The following CADM1 variants were observed in gnomAD, a reference collection of about 807,000 sequenced individuals.
The protein encoded by CADM1 is cell adhesion molecule 1, also known as TSLC-1.
Under a neutral mutation model 53.1 loss-of-function variants are expected in CADM1, and 15 were observed. The observed-to-expected ratio is 0.28, with a 90% CI of 0.19 to 0.44. CADM1 has a LOEUF of 0.44. Among genes scored for constraint, CADM1 ranks in the 20% least tolerant of loss-of-function variants. CADM1 has a pLI of 1.00. For synonymous variants in CADM1, 281 were observed against 243.0 expected (o/e 1.16, Z -1.45); for missense variants, 434 against 611.3 (o/e 0.71, Z 3.06).
intron 1 of CADM1, among the ~76,000 whole-genome samples, chr11:115,338,598 C>G (rs1441118730): frequency 6.6e-6 from 1 of 152,170 alleles, no homozygotes; most frequent in Non-Finnish European, 1.5e-5. Context: ...AAGGCCCCCA[C>G]TGACCAACGG....
intron 1 of CADM1, among the ~76,000 whole-genome samples, chr11:115,455,393 A>C (rs1024129439): frequency 1.4e-5 from 2 of 146,098 alleles, no homozygotes; most frequent in Non-Finnish European, 3.0e-5. Context: ...CTTCAAAGGC[A>C]AAAAAAAAAT....
In CADM1 at chr11:115,176,557, C is replaced by A; in HGVS notation, c.1333G>T (p.Asp445Tyr). ...YFTHEAKGAD[D>Y]AADADTAIIN... ...ATAGCTGTGTCTGCGTCTGCTGCGTCATCGGCTCCTTTGGCTTCATGAGTG... is the reference window on the plus strand; with the variant it reads ...ATAGCTGTGTCTGCGTCTGCTGCGTAATCGGCTCCTTTGGCTTCATGAGTG... The change falls in exon 12 of 12, where the codon GAC (aspartate) becomes TAC (tyrosine). Residue 445 changes from aspartate to tyrosine, a missense_variant. Physicochemically the swap from Asp to Tyr is radical, Grantham distance 160 (BLOSUM62 -3). This residue lies in a region of CADM1 where 16 missense variants were observed against 41.8 expected (regional missense o/e 0.38). Coordinates refer to ENST00000331581, the MANE Select transcript of CADM1 (RefSeq NM_001301043.2). The A allele has an allele frequency of 6.2e-7, 1 of 1,614,142 alleles. No homozygotes were observed. Among genetic ancestry groups the A allele is most frequent in the Non-Finnish European group, 8.5e-7 (1 of 1,179,998 alleles).
chr11:115,474,080 GT>G lies in CADM1; in HGVS notation c.124+30190del, dbSNP rs1324133632. On this transcript the variant is annotated intron_variant, in intron 1 of 11. Coordinates refer to ENST00000331581, the MANE Select transcript of CADM1 (RefSeq NM_001301043.2). ...GAGGCCGAGGTGGGCGGATCATGGG[GT>G]CAGGAGATCAAGACCATCCTGGCTA... Among the ~76,000 whole-genome samples, 4 of 151,794 alleles carry G rather than the reference GT, an allele frequency of 2.6e-5. No individual in the cohort carries two copies. In the East Asian group the frequency reaches 7.8e-4, roughly 29 times the overall value.
intron 10 of CADM1, among the ~76,000 whole-genome samples, chr11:115,183,995 C>A (rs1939430959): frequency 6.6e-6 from 1 of 152,166 alleles, no homozygotes. Context: ...GGGTGGAGAT[C>A]TTGCTGGACA....
chr11:115,445,328 G>A (rs994312074), intron 1 of CADM1, among the ~76,000 whole-genome samples: 68 of 152,106 alleles, frequency 4.5e-4, no homozygotes, highest in African/African-American at 2.4e-4. Flanking sequence ...GCTCAGGACC[G>A]TGGGCCAGTT....
intron 1 of CADM1, among the ~76,000 whole-genome samples, chr11:115,398,482 T>C (rs1032592884): frequency 8.5e-5 from 13 of 152,170 alleles, no homozygotes; most frequent in African/African-American, 2.2e-4. Context: ...ATGGTTCTCT[T>C]CCACGTTCCA....
At chr11:115,389,610 T>G (rs769709714) in intron 1 of CADM1, among the ~76,000 whole-genome samples, 11 of 152,100 alleles carry the variant, frequency 7.2e-5, no homozygotes, top group Non-Finnish European at 1.2e-4. Flanking sequence ...TGATATTAAG[T>G]GCAAACAACA....
At chr11:115,282,288 C>G (rs1565342082) in intron 1 of CADM1, among the ~76,000 whole-genome samples, 1 of 152,142 alleles carries the variant, frequency 6.6e-6, no homozygotes, top group African/African-American at 2.4e-5. Flanking sequence ...CACAGCCAAA[C>G]TGGTACCCAA....
At chr11:115,235,488 G>T (rs1941979907) in intron 3 of CADM1, among the ~76,000 whole-genome samples, 1 of 152,102 alleles carries the variant, frequency 6.6e-6, no homozygotes, top group Non-Finnish European at 1.5e-5. Flanking sequence ...TTTCTAAGGA[G>T]GTGCATATAG....
intron 2 of CADM1, 75 bp from the exon 3 acceptor site, chr11:115,238,727 A>G: frequency 7.1e-7 from 1 of 1,416,212 alleles, no homozygotes; most frequent in Non-Finnish European, 9.9e-7. Flanking sequence ...TATTTATTAC[A>G]TCTTGCTGTA....
intron 1 of CADM1, among the ~76,000 whole-genome samples, chr11:115,458,117 GTCTCTCTCTCTCTC>G (rs4019424): frequency 4.0e-5 from 6 of 149,264 alleles, no homozygotes; most frequent in African/African-American, 1.5e-4. Flanking sequence ...GGATACTAAA[GTCTCTCTCTCTCTC>G]TCTCTCTCTC....
At chr11:115,298,133 A>T (rs983700333) in intron 1 of CADM1, among the ~76,000 whole-genome samples, 2 of 152,222 alleles carry the variant, frequency 1.3e-5, no homozygotes, top group Admixed American at 1.3e-4. Context: ...TAATCCACAA[A>T]GTAGAGACTT....
chr11:115,421,101 G>A (rs1947744804), intron 1 of CADM1, among the ~76,000 whole-genome samples: 1 of 152,124 alleles, frequency 6.6e-6, no homozygotes, highest in Admixed American at 6.5e-5. Context: ...TTTCTACAGT[G>A]GGTCTATAAC....
chr11:115,358,909 C>T (rs1435490690), intron 1 of CADM1, among the ~76,000 whole-genome samples: 1 of 152,078 alleles, frequency 6.6e-6, no homozygotes, highest in African/African-American at 2.4e-5. Context: ...ACTGCTTCGC[C>T]CACCGAGTAT....
At chr11:115,295,550 A>ATATATTATATATATATGTATATTAT (rs371584699) in intron 1 of CADM1, among the ~76,000 whole-genome samples, 1 of 53,004 alleles carries the variant, frequency 1.9e-5, no homozygotes, top group African/African-American at 1.3e-4. Context: ...ATATATATAT[A>ATATATTATATATATATGTATATTAT]ATATATATGT....
chr11:115,220,126 G>A (rs1477179061), intron 5 of CADM1, among the ~76,000 whole-genome samples: 1 of 152,114 alleles, frequency 6.6e-6, no homozygotes, highest in Non-Finnish European at 1.5e-5. Flanking sequence ...AGAAGAAGCA[G>A]AATGCTTGCT....
chr11:115,185,751 C>A (rs999512715), intron 10 of CADM1, among the ~76,000 whole-genome samples: 1 of 152,204 alleles, frequency 6.6e-6, no homozygotes, highest in Non-Finnish European at 1.5e-5. Flanking sequence ...CAGGAAGGCA[C>A]TGAGGATGAC....
chr11:115,445,775 G>C (rs1475169865), intron 1 of CADM1: 2 of 454,022 alleles, frequency 4.4e-6, no homozygotes, highest in Non-Finnish European at 8.9e-6. Flanking sequence ...GCACGGGAAG[G>C]CCGAGGCTGC....
At chr11:115,218,143 G>GC in intron 5 of CADM1, 152 bp from the exon 6 acceptor site, 1 of 669,854 alleles carries the variant, frequency 1.5e-6, no homozygotes, top group Non-Finnish European at 2.7e-6. Flanking sequence ...GGTAATCCTG[G>GC]CATTTGCTCA....
Sources: gnomAD v4.1 joint callset for allele counts (sites outside exome capture counted in the v4.1 genomes callset) on GRCh38, gnomAD v4.1.1 for gene constraint, gnomAD v4.1.1 regional missense constraint, MANE v1.5 for transcripts, NCBI Gene and HGNC (gene_info 2026-07-23, HGNC 2026-07-21) for gene names.